TLR5: variants seen among roughly 807,000 people sequenced by gnomAD.
The protein encoded by TLR5 is toll like receptor 5, also known as toll-like receptor 5.
For missense variants in TLR5, 944 were observed against 999.8 expected, an observed-to-expected ratio of 0.94 and a Z score of 0.75; for synonymous variants, 373 against 384.4, an observed-to-expected ratio of 0.97 and a Z score of 0.35.
intron 2 of TLR5, chr1:223,141,269 C>T (rs1373787724): frequency 1.3e-5 from 2 of 152,146 alleles, no homozygotes; most frequent in Non-Finnish European, 2.9e-5. Context: ...ACACCGTCCT[C>T]CAGAGAGGCG....
At chr1:223,116,883 G>A (rs945630947) in intron 5 of TLR5, among the ~76,000 whole-genome samples, 7 of 152,198 alleles carry the variant, frequency 4.6e-5, no homozygotes, top group African/African-American at 1.7e-4. Flanking sequence ...CCTGACTCAG[G>A]AGCCCAGCTG....
At chr1:223,138,316 T>C (rs1419177651) in intron 2 of TLR5, among the ~76,000 whole-genome samples, 2 of 152,160 alleles carry the variant, frequency 1.3e-5, no homozygotes, top group African/African-American at 4.8e-5. Context: ...TTGTTTAGCA[T>C]TGGGCAGCTT....
intron 5 of TLR5, among the ~76,000 whole-genome samples, chr1:223,116,917 C>G (rs1486820761): frequency 6.6e-6 from 1 of 152,222 alleles, no homozygotes; most frequent in African/African-American, 2.4e-5. Context: ...GATCCCGCGT[C>G]AGGGCTAGGG....
Position 223,111,294 on chromosome 1 carries a change from T to C in TLR5, c.1738A>G (p.Lys580Glu). 6.2e-7 allele frequency: 1 copy of C among 1,614,112 alleles called. No individual in the cohort carries two copies. The highest frequency in any genetic ancestry group is 1.1e-5 in the South Asian group (1 of 91,072). ...SLSVLDITHNKFICECELSTF... is the reference protein window; with the variant it reads ...SLSVLDITHNEFICECELSTF... ...CTAAGTTCACATTCACAAATGAACT[T>C]GTTATGAGTTATATCCAAGACACTA... The change falls in exon 6 of 6, where the codon AAG (lysine) becomes GAG (glutamate). Residue 580 changes from lysine to glutamate, a missense_variant. Coordinates refer to ENST00000642603, the MANE Select transcript of TLR5 (RefSeq NM_003268.6).
At chr1:223,117,218 G>T (rs956305232) in intron 5 of TLR5, among the ~76,000 whole-genome samples, 13 of 152,086 alleles carry the variant, frequency 8.5e-5, no homozygotes, top group Admixed American at 7.9e-4. Flanking sequence ...GCCCCTCACT[G>T]CCCCTGGCTG....
intron 4 of TLR5, among the ~76,000 whole-genome samples, chr1:223,133,339 T>C (rs1657467399): frequency 6.6e-6 from 1 of 152,180 alleles, no homozygotes; most frequent in African/African-American, 2.4e-5. Flanking sequence ...AAATTGAATA[T>C]GCTGCAAAAC....
At chr1:223,114,296 A>G (rs186183716) in intron 5 of TLR5, among the ~76,000 whole-genome samples, 1 of 152,302 alleles carries the variant, frequency 6.6e-6, no homozygotes, top group Admixed American at 6.5e-5. Context: ...GAGAAAACAC[A>G]CAAGGACCCC....
At chr1:223,114,462 A>C (rs894859038) in intron 5 of TLR5, among the ~76,000 whole-genome samples, 1 of 152,204 alleles carries the variant, frequency 6.6e-6, no homozygotes, top group Non-Finnish European at 1.5e-5. Context: ...AGGAAAAATA[A>C]ATGAAAGAAA....
rs191933998 is a variant in TLR5, at chr1:223,114,312, C to A, written c.-4-1277G>T. 1.6e-3 allele frequency among the ~76,000 whole-genome samples: 242 copies of A among 152,264 alleles called. 2 individuals are homozygous for A. The highest frequency in any genetic ancestry group is 5.5e-3 in the African/African-American group (229 of 41,552). Reference sequence around the variant, plus strand: ...AGAAAACACACAAGGACCCCACCTGCAGAGAGCTTGGTGTCTATTATTTGC... The same window carrying A: ...AGAAAACACACAAGGACCCCACCTGAAGAGAGCTTGGTGTCTATTATTTGC... On this transcript the variant is annotated intron_variant, in intron 5 of 5. Coordinates refer to ENST00000642603, the MANE Select transcript of TLR5 (RefSeq NM_003268.6).
At chr1:223,120,496 G>A (rs1010336170) in intron 5 of TLR5, among the ~76,000 whole-genome samples, 1 of 152,196 alleles carries the variant, frequency 6.6e-6, no homozygotes. Flanking sequence ...ACAAAACCAA[G>A]CTGTAGCCTG....
intron 3 of TLR5, among the ~76,000 whole-genome samples, chr1:223,135,343 G>A (rs771395251): frequency 2.6e-5 from 4 of 152,216 alleles, no homozygotes; most frequent in Admixed American, 6.5e-5. Context: ...CCCGAAGGAG[G>A]TTTACTGCAT....
intron 5 of TLR5, among the ~76,000 whole-genome samples, chr1:223,117,582 A>G (rs1489776988): frequency 6.9e-6 from 1 of 144,396 alleles, no homozygotes; most frequent in Non-Finnish European, 1.5e-5. Flanking sequence ...AAAAAAAAAA[A>G]AGAAAAGAAA....
At chr1:223,119,085 CAG>C (rs1164853867) in intron 5 of TLR5, among the ~76,000 whole-genome samples, 1 of 152,008 alleles carries the variant, frequency 6.6e-6, no homozygotes, top group African/African-American at 2.4e-5. Context: ...GCCTGGGTGA[CAG>C]AGAGAGACTC....
Position 223,110,749 on chromosome 1 carries a change from G to A in TLR5, c.2283C>T (p.His761=). The A allele has an allele frequency of 6.2e-7, 1 of 1,614,226 alleles. No homozygotes were observed. The highest frequency in any genetic ancestry group is 8.5e-7 in the Non-Finnish European group (1 of 1,180,034). ...SRKIVCLVSR[H]FLRDGWCLEA... is the part of the protein sequence containing the mutation. ...CAAGGCACCAGCCATCTCTAAGGAA[G>A]TGTCTGCTCACAAGACAAACGATCT... The change falls in exon 6 of 6, where the codon CAC becomes CAT. Residue 761 remains histidine (H), a synonymous_variant. Coordinates refer to ENST00000642603, the MANE Select transcript of TLR5 (RefSeq NM_003268.6).
intron 5 of TLR5, among the ~76,000 whole-genome samples, chr1:223,114,991 C>T (rs1025485392): frequency 6.6e-6 from 1 of 152,182 alleles, no homozygotes; most frequent in African/African-American, 2.4e-5. Context: ...GGAGACTCCT[C>T]ACTGGCTCTC....
At chr1:223,116,218 T>C (rs955473621) in intron 5 of TLR5, among the ~76,000 whole-genome samples, 3 of 152,232 alleles carry the variant, frequency 2.0e-5, no homozygotes, top group African/African-American at 7.2e-5. Flanking sequence ...AGTGAAGTCG[T>C]GGACCCTCAC....
At chr1:223,114,339 C>T (rs1773718) in intron 5 of TLR5, among the ~76,000 whole-genome samples, 51,897 of 152,068 alleles carry the variant, frequency 0.34, 10,052 homozygotes, top group Non-Finnish European at 0.43. Flanking sequence ...ATTATTTGCA[C>T]AGCACCTCCA....
At chr1:223,141,806 TATATATATATATATATAGAGAGAGAGAG>T (rs1657866426) in intron 1 of TLR5, 43 bp from the exon 2 acceptor site, 1 of 89,568 alleles carries the variant, frequency 1.1e-5, no homozygotes, top group Admixed American at 1.2e-4. Context: ...TATATATATA[TATATATATATATATATAGAGAGAGAGAG>T]AGAGAGAGAG....
chr1:223,125,164 G>A (rs1657116597), intron 5 of TLR5, among the ~76,000 whole-genome samples: 1 of 152,122 alleles, frequency 6.6e-6, no homozygotes, highest in East Asian at 1.9e-4. Context: ...CATATCAATA[G>A]TCTTCCCTAA....
Sources: gnomAD v4.1 joint callset for allele counts (sites outside exome capture counted in the v4.1 genomes callset) on GRCh38, gnomAD v4.1.1 for gene constraint, MANE v1.5 for transcripts, NCBI Gene and HGNC (gene_info 2026-07-23, HGNC 2026-07-21) for gene names.